EXOC2: variants seen among roughly 807,000 people sequenced by gnomAD.
The protein encoded by EXOC2 is exocyst complex component 2.
Under a neutral mutation model 131.8 loss-of-function variants are expected in EXOC2, and 70 were observed. The ratio of observed to expected loss-of-function variants is 0.53; its 90% CI spans 0.44 to 0.65. The LOEUF (loss-of-function observed/expected upper bound fraction) is 0.65. Among genes scored for constraint, EXOC2 ranks in the 30% least tolerant of loss-of-function variants. The pLI is 0.00. For missense variants in EXOC2, 923 were observed against 1,108.6 expected (o/e 0.83, Z 2.38); for synonymous variants, 411 against 398.4 (o/e 1.03, Z -0.38).
intron 4 of EXOC2, among the ~76,000 whole-genome samples, chr6:622,668 T>A (rs1355522795): frequency 1.3e-5 from 2 of 152,184 alleles, no homozygotes; most frequent in African/African-American, 4.8e-5. Context: ...TACGTCATAC[T>A]CCACGTGTTT....
At chr6:649,818 G>T (rs1762751102) in intron 1 of EXOC2, among the ~76,000 whole-genome samples, 1 of 152,140 alleles carries the variant, frequency 6.6e-6, no homozygotes, top group South Asian at 2.1e-4. Flanking sequence ...CTGGATATAA[G>T]AAAGCACTTT....
intron 1 of EXOC2, among the ~76,000 whole-genome samples, chr6:682,505 T>C (rs1323640592): frequency 6.6e-6 from 1 of 152,068 alleles, no homozygotes; most frequent in Non-Finnish European, 1.5e-5. Flanking sequence ...CGGCCCCGAG[T>C]TTCTAAAATA....
intron 7 of EXOC2, among the ~76,000 whole-genome samples, chr6:606,216 A>G (rs561862107): frequency 2.6e-5 from 4 of 152,332 alleles, no homozygotes; most frequent in Admixed American, 6.5e-5. Context: ...GAATTGAACA[A>G]TGAGAACACC....
chr6:499,558 C>T (rs1763926919), intron 24 of EXOC2, 87 bp downstream of exon 24: 1 of 1,172,174 alleles, frequency 8.5e-7, no homozygotes, highest in Non-Finnish European at 1.2e-6. Flanking sequence ...AAAAAAAAGA[C>T]CACCATAGAA....
At chr6:497,133 T>C (rs1378502071) in intron 25 of EXOC2, among the ~76,000 whole-genome samples, 1 of 152,208 alleles carries the variant, frequency 6.6e-6, no homozygotes, top group Non-Finnish European at 1.5e-5. Context: ...GGATTCTGCA[T>C]TCAGATAATT....
rs1762021033 is a variant in EXOC2, at chr6:634,784, T to A, written c.119-1667A>T. On this transcript the variant is annotated intron_variant, in intron 2 of 27. Transcript: ENST00000230449. ...ACACATTTTTAAATATATTCATTATTCAAAATTATTTTTTTCAAAATGGGC... is the reference window on the plus strand; with the variant it reads ...ACACATTTTTAAATATATTCATTATACAAAATTATTTTTTTCAAAATGGGC... Among the ~76,000 whole-genome samples, 5 of 152,198 alleles carry A rather than the reference T, an allele frequency of 3.3e-5. No individual in the cohort carries two copies. In the South Asian group the frequency reaches 1.0e-3, roughly 31 times the overall value.
At chr6:671,945 C>T (rs983474262) in intron 1 of EXOC2, among the ~76,000 whole-genome samples, 3 of 151,836 alleles carry the variant, frequency 2.0e-5, no homozygotes, top group African/African-American at 7.3e-5. Flanking sequence ...TACTTGCTTG[C>T]CTACTGTTCT....
intron 7 of EXOC2, among the ~76,000 whole-genome samples, chr6:604,774 C>T (rs751809529): frequency 3.3e-5 from 5 of 151,484 alleles, no homozygotes; most frequent in Non-Finnish European, 5.9e-5. Flanking sequence ...CTCTGCTTGT[C>T]TCTGAACTCA....
rs56189394 is a variant in EXOC2, at chr6:673,252, C to CAAAAAAAAAAAA, written c.-44+19755_-44+19766dup. ...GGTGACAAAAGTGAGACTCCATAGC[C>CAAAAAAAAAAAA]AAAAAAAAAAAAAAAAAAAAAAAAA... On this transcript the variant is annotated intron_variant, in intron 1 of 27. Coordinates refer to ENST00000230449, the MANE Select transcript of EXOC2 (RefSeq NM_018303.6). 6.8e-4 allele frequency among the ~76,000 whole-genome samples: 44 copies of CAAAAAAAAAAAA among 64,258 alleles called. 1 individual carries two copies. The highest frequency in any genetic ancestry group is 1.5e-3 in the African/African-American group (22 of 14,218). 42.2% of individuals were successfully genotyped at this position (64,258 alleles called of 152,430 possible).
At chr6:538,658 A>G (rs1453069903) in intron 22 of EXOC2, among the ~76,000 whole-genome samples, 1 of 152,182 alleles carries the variant, frequency 6.6e-6, no homozygotes, top group Non-Finnish European at 1.5e-5. Context: ...TTGTGTACAG[A>G]CAGTCCCAAC....
Position 562,784 on chromosome 6 carries a change from T to C in EXOC2, c.1851A>G (p.Leu617=). 2 of 1,587,134 alleles carry C rather than the reference T, an allele frequency of 1.3e-6. No individual in the cohort carries two copies. Among genetic ancestry groups the C allele is most frequent in the African/African-American group, 2.7e-5 (2 of 73,894 alleles). The stretch of plus-strand genomic sequence containing the variant: ...ATAATTGAAAAGAACTTAAACTTAC[T>C]AGAGAAGTCAGTCCTTCATTGTCAA... The part of the protein sequence containing the change: ...WIVDNEGLTS[L]PCQFEQCIVC... Residue 617 remains leucine (L), a splice_region_variant and synonymous_variant, in exon 17 of 28, where the codon CTA becomes CTG. Coordinates refer to ENST00000230449, the MANE Select transcript of EXOC2 (RefSeq NM_018303.6).
At chr6:650,063 C>G (rs1762763196) in intron 1 of EXOC2, among the ~76,000 whole-genome samples, 1 of 152,062 alleles carries the variant, frequency 6.6e-6, no homozygotes, top group South Asian at 2.1e-4. Context: ...CAAACAAGGA[C>G]AAAATGACAA....
chr6:540,566 T>C (rs766607299), intron 22 of EXOC2, among the ~76,000 whole-genome samples: 1 of 151,330 alleles, frequency 6.6e-6, no homozygotes, highest in Non-Finnish European at 1.5e-5. Context: ...TAGACACAAC[T>C]GAAGAAACAA....
At chr6:685,121 T>G (rs1041971474) in intron 1 of EXOC2, among the ~76,000 whole-genome samples, 1 of 138,672 alleles carries the variant, frequency 7.2e-6, no homozygotes, top group Non-Finnish European at 1.6e-5. Flanking sequence ...CCCACAATCA[T>G]TTGAAAACAC....
intron 23 of EXOC2, among the ~76,000 whole-genome samples, chr6:518,970 A>G (rs1301878794): frequency 6.6e-6 from 1 of 152,186 alleles, no homozygotes; most frequent in African/African-American, 2.4e-5. Flanking sequence ...AGTCCACTCA[A>G]CTGGTATCCG....
At chr6:508,231 G>A (rs1362935515) in intron 23 of EXOC2, among the ~76,000 whole-genome samples, 1 of 152,072 alleles carries the variant, frequency 6.6e-6, no homozygotes, top group Non-Finnish European at 1.5e-5. Context: ...CATACACACG[G>A]CCGCCCCAAC....
At chr6:494,304 G>C (rs985155278) in intron 25 of EXOC2, among the ~76,000 whole-genome samples, 1 of 152,176 alleles carries the variant, frequency 6.6e-6, no homozygotes, top group African/African-American at 2.4e-5. Context: ...GAACTTTACA[G>C]TGAATGCCTG....
intron 1 of EXOC2, among the ~76,000 whole-genome samples, chr6:659,954 C>T (rs1763339032): frequency 6.7e-6 from 1 of 148,392 alleles, no homozygotes; most frequent in Non-Finnish European, 1.5e-5. Flanking sequence ...AGGCAGGTAG[C>T]CTGGGGCAGA....
chr6:580,719 T>C (rs936291685), intron 11 of EXOC2, among the ~76,000 whole-genome samples: 35 of 152,164 alleles, frequency 2.3e-4, no homozygotes, highest in African/African-American at 8.2e-4. Flanking sequence ...CTGTAAAATA[T>C]ACCTGTAAAG....
Sources: gnomAD v4.1 joint callset for allele counts (sites outside exome capture counted in the v4.1 genomes callset) on GRCh38, gnomAD v4.1.1 for gene constraint, MANE v1.5 for transcripts, NCBI Gene and HGNC (gene_info 2026-07-23, HGNC 2026-07-21) for gene names.